ZNF302: variants seen among roughly 807,000 people sequenced by gnomAD.
ZNF302 encodes zinc finger protein 327.
Under a neutral mutation model 10.8 loss-of-function variants are expected in ZNF302, and 12 were observed. That is an observed-to-expected ratio of 1.11 (90% CI 0.71 to 1.79). The LOEUF (loss-of-function observed/expected upper bound fraction) is 1.79. ZNF302 is among the 40% of genes most tolerant of loss of function. ZNF302 has a pLI of 0.00. For missense variants in ZNF302, 461 were observed against 471.1 expected, an observed-to-expected ratio of 0.98 and a Z score of 0.20; for synonymous variants, 178 against 157.5, an observed-to-expected ratio of 1.13 and a Z score of -0.98.
chr19:34,678,690 A>C (rs2068148106), intron 1 of ZNF302, 47 bp from the exon 2 acceptor site: 19 of 1,203,364 alleles, frequency 1.6e-5, no homozygotes, highest in Non-Finnish European at 2.3e-5. Context: ...CCGCAAGATA[A>C]GCCCGATTTT....
chr19:34,683,367 A>T, intron 4 of ZNF302, 129 bp downstream of exon 4: 1 of 1,060,980 alleles, frequency 9.4e-7, no homozygotes, highest in Admixed American at 2.4e-5. Flanking sequence ...AAATTGAGGG[A>T]TATTTAGCTT....
At position 34,684,512 on chromosome 19, in the gene ZNF302, A is replaced by G; in HGVS notation, c.475A>G (p.Lys159Glu). Residue 159 changes from lysine to glutamate, a missense_variant, in exon 5 of 5, where the codon AAG becomes GAG. By Grantham distance (56) the Lys-to-Glu change is moderately conservative. Transcript: ENST00000505242. ...TATATTAAAGAAGAATTTATCAAAA[A>G]AGTCAGTTATAAAAAGTGAGAGAAT... is the stretch of plus-strand genomic sequence containing the variant. ...YDILKKNLSK[K>E]SVIKSERING... 6.2e-7 allele frequency: 1 copy of G among 1,612,364 alleles called. No homozygotes were observed. Among genetic ancestry groups the G allele is most frequent in the South Asian group, 1.1e-5 (1 of 90,616 alleles).
At position 34,684,431 on chromosome 19, in the gene ZNF302, T is replaced by A. The variant is rs1435589785; in HGVS notation, c.394T>A (p.Ser132Thr). Residue 132 changes from serine to threonine, a missense_variant, in exon 5 of 5, where the codon TCT (serine) becomes ACT (threonine). Ser to Thr is a moderately conservative substitution (Grantham distance 58). Transcript: ENST00000505242. ...ATTTAGAAGCACCTTTCATTCAAAG[T>A]CTACTCTTTCTGAACCACAAAACAA... is the stretch of plus-strand genomic sequence containing the variant. ...DTFRSTFHSK[S>T]TLSEPQNNSA... 6.2e-7 allele frequency: 1 copy of A among 1,612,974 alleles called. No individual in the cohort carries two copies. The highest frequency in any genetic ancestry group is 2.2e-5 in the East Asian group (1 of 44,846).
At position 34,678,010 on chromosome 19, in the gene ZNF302, G is replaced by A. The variant is rs1367359907; in HGVS notation, c.-162G>A. The A allele has an allele frequency of 1.3e-5, 2 of 151,946 alleles. No individual in the cohort carries two copies. Among genetic ancestry groups the A allele is most frequent in the Non-Finnish European group, 2.9e-5 (2 of 68,028 alleles). 9.4% of individuals were successfully genotyped at this position (151,946 alleles called of 1,614,324 possible). On this transcript the variant is annotated 5_prime_UTR_variant, in exon 1 of 5. Transcript: ENST00000505242. ...GACCTCTTGGCACTGTTGTGAGAGC[G>A]AAGTGGGCGCGAGAGCAGACGCCAG...
At chr19:34,678,155 GT>G (rs1481611233) in intron 1 of ZNF302, 52 bp downstream of exon 1, 3 of 152,228 alleles carry the variant, frequency 2.0e-5, no homozygotes, top group Non-Finnish European at 2.9e-5. Flanking sequence ...AATAAATCTG[GT>G]TTAGAACTCG....
intron 2 of ZNF302, among the ~76,000 whole-genome samples, chr19:34,680,342 A>C (rs2068276157): frequency 6.6e-6 from 1 of 152,178 alleles, no homozygotes; most frequent in South Asian, 2.1e-4. Context: ...GTCTAAGAGA[A>C]CTTTCTGCAG....
chr19:34,681,036 C>T (rs374790854), intron 2 of ZNF302, among the ~76,000 whole-genome samples: 46 of 152,088 alleles, frequency 3.0e-4, no homozygotes, highest in Admixed American at 7.8e-4. Flanking sequence ...CATTGGAAGG[C>T]GATTCGAATT....
intron 4 of ZNF302, 160 bp from the exon 5 acceptor site, chr19:34,684,092 G>C: frequency 6.7e-7 from 1 of 1,498,424 alleles, no homozygotes; most frequent in Non-Finnish European, 8.9e-7. Flanking sequence ...TATTTGAGTT[G>C]TCAGAACTAT....
intron 2 of ZNF302, among the ~76,000 whole-genome samples, chr19:34,680,670 A>C (rs2068296622): frequency 6.6e-6 from 1 of 152,222 alleles, no homozygotes; most frequent in African/African-American, 2.4e-5. Flanking sequence ...AAGGGGAAGA[A>C]AGAAGCATCC....
chr19:34,683,171 G>A lies in ZNF302; in HGVS notation c.147G>A (p.Lys49=). 6.2e-7 allele frequency: 1 copy of A among 1,614,098 alleles called. No individual in the cohort carries two copies. Among genetic ancestry groups the A allele is most frequent in the African/African-American group, 1.3e-5 (1 of 75,036 alleles). The change falls in exon 4 of 5, where the codon AAG becomes AAA. Residue 49 remains lysine (K), a synonymous_variant. Transcript: ENST00000505242. Reference sequence around the variant, plus strand: ...TGTAAGCAGGTCTTTCCGTAACTAAGCCATATGTGATCATGTTATTGGAGG... The same window carrying A: ...TGTAAGCAGGTCTTTCCGTAACTAAACCATATGTGATCATGTTATTGGAGG... ...NLVSVGLSVT[K]PYVIMLLEDG...
intron 2 of ZNF302, among the ~76,000 whole-genome samples, chr19:34,680,645 C>T (rs181052658): frequency 3.3e-5 from 5 of 152,278 alleles, no homozygotes; most frequent in Non-Finnish European, 7.4e-5. Context: ...ACATCTCAAG[C>T]TGCCCAGGCA....
chr19:34,684,451 AAAC>A lies in ZNF302; in HGVS notation c.417_419del (p.Asn140del). ...CAAAGTCTACTCTTTCTGAACCACA[AAAC>A]AATTCTGCTGAAGGGAATTCACACA... On this transcript the variant is annotated inframe_deletion, in exon 5 of 5. Coordinates refer to ENST00000505242, the MANE Select transcript of ZNF302 (RefSeq NM_001289187.2). 1.2e-6 allele frequency: 2 copies of A among 1,613,300 alleles called. No homozygotes were observed. The highest frequency in any genetic ancestry group is 1.7e-6 in the Non-Finnish European group (2 of 1,179,442).
At chr19:34,679,880 G>A in intron 2 of ZNF302, 1 of 703,044 alleles carries the variant, frequency 1.4e-6, no homozygotes, top group Non-Finnish European at 2.6e-6. Flanking sequence ...GTAAGTAATT[G>A]TGGAGTGAAT....
chr19:34,684,391 T>A lies in ZNF302; in HGVS notation c.354T>A (p.Tyr118Ter), dbSNP rs1157342333. The stretch of plus-strand genomic sequence containing the variant: ...CAAATTCTAATAAGAATTTGGAATA[T>A]ACAGAATGCGACACATTTAGAAGCA... ...EFSNSNKNLE[Y>*]TECDTFRSTF... Residue 118 changes from tyrosine to a stop codon, truncating the protein, a stop_gained, in exon 5 of 5, where the codon TAT (tyrosine) becomes TAA (stop). Coordinates refer to ENST00000505242, the MANE Select transcript of ZNF302 (RefSeq NM_001289187.2). LOFTEE classifies it low-confidence loss of function (END_TRUNC). The A allele has an allele frequency of 6.2e-7, 1 of 1,610,148 alleles. No homozygotes were observed. Among genetic ancestry groups the A allele is most frequent in the Non-Finnish European group, 8.5e-7 (1 of 1,178,696 alleles).
intron 4 of ZNF302, 116 bp from the exon 5 acceptor site, chr19:34,684,136 C>T: frequency 7.9e-7 from 1 of 1,268,046 alleles, no homozygotes; most frequent in Non-Finnish European, 1.0e-6. Context: ...TTATCCAATT[C>T]TCCTAATTCC....
In ZNF302 at chr19:34,685,492, G is replaced by A. The variant is rs746574986; in HGVS notation, c.*255G>A. 70 of 1,583,764 alleles carry A rather than the reference G, an allele frequency of 4.4e-5. No individual in the cohort carries two copies. In the African/African-American group the frequency reaches 8.3e-4, roughly 19 times the overall value. On this transcript the variant is annotated 3_prime_UTR_variant, in exon 5 of 5. Transcript: ENST00000505242. ...GAGAAAAGCCATATAAATGTAGTGA[G>A]TGTGGGAAAGCTTTTAGCAAAGGCT...
At chr19:34,677,350 G>T (rs2068000952), upstream of ZNF302, 1 of 152,196 alleles carries the variant, frequency 6.6e-6, no homozygotes, top group Non-Finnish European at 1.5e-5. Flanking sequence ...AGTTTTCTGG[G>T]AAATGTAATT....
chr19:34,681,218 A>G (rs1219956506), intron 2 of ZNF302: 2 of 152,506 alleles, frequency 1.3e-5, no homozygotes, highest in Admixed American at 6.5e-5. Context: ...AATCACAGAC[A>G]GTAATAACTC....
chr19:34,684,400 C>G lies in ZNF302; in HGVS notation c.363C>G (p.Cys121Trp), dbSNP rs375164167. Residue 121 changes from cysteine to tryptophan, a missense_variant, in exon 5 of 5, where the codon TGC becomes TGG. Cys to Trp is a radical substitution (Grantham distance 215, BLOSUM62 -2). Transcript: ENST00000505242. ...ATAAGAATTTGGAATATACAGAATGCGACACATTTAGAAGCACCTTTCATT... is the reference window on the plus strand; with the variant it reads ...ATAAGAATTTGGAATATACAGAATGGGACACATTTAGAAGCACCTTTCATT... ...NSNKNLEYTE[C>W]DTFRSTFHSK... 1.9e-6 allele frequency: 3 copies of G among 1,610,930 alleles called. No homozygotes were observed. Among genetic ancestry groups the G allele is most frequent in the Non-Finnish European group, 2.5e-6 (3 of 1,178,804 alleles).
Sources: allele counts gnomAD v4.1 joint callset (sites outside exome capture counted in the v4.1 genomes callset), GRCh38; gene constraint gnomAD v4.1.1; transcripts MANE v1.5; gene names NCBI Gene and HGNC (gene_info 2026-07-23, HGNC 2026-07-21).